CIMIP5: variants seen among roughly 807,000 people sequenced by gnomAD.
CIMIP5 encodes the protein uncharacterized protein C2orf50.
chr2:11,136,881 A>G, the CIMIP5 span, among the ~76,000 whole-genome samples: 2 of 152,154 alleles, frequency 1.3e-5, no homozygotes, highest in African/African-American at 4.8e-5. Flanking sequence ...AACTTGTAAC[A>G]TTTACTAGAA....
At chr2:11,133,703 G>A in the CIMIP5 span, 10 of 1,436,858 alleles carry the variant, frequency 7.0e-6, no homozygotes, top group Non-Finnish European at 7.3e-6. Flanking sequence ...AGGGACAGAG[G>A]GCATGGCATG....
At chr2:11,142,657 G>A in the CIMIP5 span, among the ~76,000 whole-genome samples, 3 of 150,852 alleles carry the variant, frequency 2.0e-5, no homozygotes, top group African/African-American at 4.9e-5. Flanking sequence ...CAGGGTAGCA[G>A]AAAGGTAACC....
the CIMIP5 span, chr2:11,133,399 C>A: frequency 2.5e-6 from 4 of 1,612,172 alleles, no homozygotes; most frequent in Non-Finnish European, 3.4e-6. Context: ...TTGCCCCCCA[C>A]CAGGCCACCA....
chr2:11,135,833 G>A, the CIMIP5 span, among the ~76,000 whole-genome samples: 10 of 151,974 alleles, frequency 6.6e-5, no homozygotes, highest in East Asian at 1.9e-4. Context: ...GTGAGCCACC[G>A]TGTTTGACCT....
the CIMIP5 span, chr2:11,146,937 A>G: frequency 1.3e-4 from 20 of 152,424 alleles, no homozygotes; most frequent in African/African-American, 4.8e-4. Context: ...AATAAAGAAG[A>G]TTTCCATTTG....
the CIMIP5 span, among the ~76,000 whole-genome samples, chr2:11,136,062 G>A: frequency 6.6e-6 from 1 of 152,056 alleles, no homozygotes; most frequent in Admixed American, 6.6e-5. Context: ...TGTAAATATT[G>A]TCTCCCATTC....
At chr2:11,135,787 C>T in the CIMIP5 span, among the ~76,000 whole-genome samples, 201 of 152,142 alleles carry the variant, frequency 1.3e-3, no homozygotes, top group African/African-American at 4.6e-3. Flanking sequence ...AGATGATCCA[C>T]GTGCCTCAGC....
At chr2:11,138,962 G>A in the CIMIP5 span, among the ~76,000 whole-genome samples, 1 of 151,722 alleles carries the variant, frequency 6.6e-6, no homozygotes, top group Non-Finnish European at 1.5e-5. Flanking sequence ...CTGTCACCCA[G>A]GCTGGAGTGC....
At chr2:11,143,545 TATACTC>T in the CIMIP5 span, among the ~76,000 whole-genome samples, 7 of 150,436 alleles carry the variant, frequency 4.7e-5, no homozygotes, top group East Asian at 3.9e-4. Flanking sequence ...GTGTGAATGT[TATACTC>T]TTAAGTACAA....
At chr2:11,135,780 T>A in the CIMIP5 span, among the ~76,000 whole-genome samples, 3 of 152,124 alleles carry the variant, frequency 2.0e-5, no homozygotes, top group East Asian at 5.8e-4. Flanking sequence ...TGACCACAGA[T>A]GATCCACGTG....
chr2:11,149,250 C>T, the CIMIP5 span, among the ~76,000 whole-genome samples: 4 of 151,672 alleles, frequency 2.6e-5, no homozygotes, highest in East Asian at 7.7e-4. Flanking sequence ...CAGCTGACAC[C>T]GTGCTCCCCT....
chr2:11,148,118 A>ATTTT, the CIMIP5 span, among the ~76,000 whole-genome samples: 631 of 143,124 alleles, frequency 4.4e-3, 5 homozygotes, highest in African/African-American at 0.016. Context: ...CTTGCTTCAC[A>ATTTT]TTTTTTTTTT....
the CIMIP5 span, chr2:11,140,428 T>G: frequency 1.1e-6 from 1 of 910,788 alleles, no homozygotes; most frequent in Non-Finnish European, 1.7e-6. Flanking sequence ...GATACATTGT[T>G]GCATTGACTT....
the CIMIP5 span, among the ~76,000 whole-genome samples, chr2:11,136,941 G>C: frequency 6.6e-6 from 1 of 152,194 alleles, no homozygotes; most frequent in African/African-American, 2.4e-5. Context: ...AGGGGCACAA[G>C]GAGGCATAAA....
chr2:11,141,430 C>G, the CIMIP5 span, among the ~76,000 whole-genome samples: 1 of 152,096 alleles, frequency 6.6e-6, no homozygotes, highest in African/African-American at 2.4e-5. Flanking sequence ...ACCCAGCCCC[C>G]ACAACACTCT....
chr2:11,149,155 A>C, the CIMIP5 span, among the ~76,000 whole-genome samples: 2 of 152,180 alleles, frequency 1.3e-5, no homozygotes, highest in African/African-American at 4.8e-5. Flanking sequence ...GACTGAGTGA[A>C]AGATTCTTAG....
the CIMIP5 span, among the ~76,000 whole-genome samples, chr2:11,148,610 C>G: frequency 6.8e-6 from 1 of 146,174 alleles, no homozygotes; most frequent in Admixed American, 6.6e-5. Context: ...CTGACCACGC[C>G]CATGCCCACC....
chr2:11,138,555 A>C, the CIMIP5 span, among the ~76,000 whole-genome samples: 166 of 152,318 alleles, frequency 1.1e-3, no homozygotes, highest in Non-Finnish European at 1.9e-3. Context: ...TATGGTGTGG[A>C]TCTGTGTCCC....
the CIMIP5 span, among the ~76,000 whole-genome samples, chr2:11,147,167 C>T: frequency 1.3e-3 from 201 of 152,164 alleles, no homozygotes; most frequent in African/African-American, 3.9e-3. Flanking sequence ...GTCTTTTGCA[C>T]GTATTAGAAT....
Sources: allele counts gnomAD v4.1 joint callset (sites outside exome capture counted in the v4.1 genomes callset), GRCh38; gene constraint gnomAD v4.1.1; transcripts MANE v1.5; gene names NCBI Gene and HGNC (gene_info 2026-07-23, HGNC 2026-07-21).